Variants in TPI1 observed in about 807,000 individuals in gnomAD.
TPI1 encodes triosephosphate isomerase 1.
Under a neutral mutation model 31.0 loss-of-function variants are expected in TPI1, and 11 were observed. That is an observed-to-expected ratio of 0.36 (90% CI 0.22 to 0.59). The LOEUF is 0.59. TPI1 is among the 20% of genes least tolerant of loss of function. The pLI is 0.79. For missense variants in TPI1, 245 were observed against 319.7 expected (o/e 0.77, Z 1.78); for synonymous variants, 121 against 122.8 (o/e 0.99, Z 0.10).
chr12:6,869,906 G>T, intron 5 of TPI1, 133 bp downstream of exon 5: 1 of 1,388,856 alleles, frequency 7.2e-7, no homozygotes, highest in Non-Finnish European at 1.0e-6. Context: ...CTTGTCCAAG[G>T]GCATCCAGTC....
chr12:6,868,706 G>A, intron 1 of TPI1, 158 bp from the exon 2 acceptor site: 1 of 1,412,886 alleles, frequency 7.1e-7, no homozygotes, highest in Non-Finnish European at 9.6e-7. Flanking sequence ...GCCTGGGCTG[G>A]AAAATGGACA....
upstream of TPI1, chr12:6,867,443 G>A: frequency 6.7e-7 from 1 of 1,492,950 alleles, no homozygotes; most frequent in Non-Finnish European, 8.9e-7. Flanking sequence ...GGCTCCGGGG[G>A]ACTGGGCGGG....
At chr12:6,867,702 G>A (rs781886049) in intron 1 of TPI1, 21 bp downstream of exon 1, 2 of 1,589,422 alleles carry the variant, frequency 1.3e-6, no homozygotes, top group Non-Finnish European at 8.6e-7. Flanking sequence ...GCCGAGGAGG[G>A]GTCTGGCCGG....
At chr12:6,867,439 G>A (rs1944480245), upstream of TPI1, 3 of 1,485,878 alleles carry the variant, frequency 2.0e-6, no homozygotes, top group African/African-American at 1.4e-5. Flanking sequence ...GCAGGGCTCC[G>A]GGGGACTGGG....
chr12:6,868,117 G>T lies in TPI1; in HGVS notation c.115+436G>T, dbSNP rs782042516. 3.9e-6 allele frequency: 5 copies of T among 1,271,686 alleles called. No homozygotes were observed. The Admixed American group carries it at 1.2e-4, about 30-fold the overall frequency. 78.8% of individuals were successfully genotyped at this position (1,271,686 alleles called of 1,614,324 possible). A position where few individuals can be genotyped will look rare whatever the true frequency, so the allele number is the denominator to read the frequency against. On this transcript the variant is annotated intron_variant, in intron 1 of 6. Transcript: ENST00000396705. ...TAGCCCCAGACTCCTCCCCTTCCTC[G>T]CCGGCGTCCGCGTCCCCGCGCCGAG...
chr12:6,868,642 G>A (rs1944512730), intron 1 of TPI1: 1 of 1,339,130 alleles, frequency 7.5e-7, no homozygotes, highest in African/African-American at 1.5e-5. Flanking sequence ...GCAGGGTGAG[G>A]GCCGTGGCCT....
rs1434792263 is a variant in TPI1, at chr12:6,869,941, C to G, written c.544-108C>G. 4.2e-6 allele frequency: 6 copies of G among 1,433,752 alleles called. No homozygotes were observed. The African/African-American group carries it at 8.5e-5, about 20-fold the overall frequency. 88.8% of individuals were successfully genotyped at this position (1,433,752 alleles called of 1,614,324 possible). A position where few individuals can be genotyped will look rare whatever the true frequency, so the allele number is the denominator to read the frequency against. The stretch of plus-strand genomic sequence containing the variant: ...CCAGGGCCTGGCTTGGATCAGAGCC[C>G]TGGTACTCTGACTCAGTCAGAAACC... On this transcript the variant is annotated intron_variant, in intron 5 of 6. Coordinates refer to ENST00000396705, the MANE Select transcript of TPI1 (RefSeq NM_000365.6).
intron 1 of TPI1, chr12:6,868,526 T>G (rs1035141560): frequency 1.1e-5 from 14 of 1,279,662 alleles, no homozygotes; most frequent in African/African-American, 1.5e-5. Context: ...ATGGGCTATT[T>G]TAGAAGGGAA....
chr12:6,867,580 G>A lies in TPI1; in HGVS notation c.14G>A (p.Arg5Lys). 1.2e-6 allele frequency: 2 copies of A among 1,612,888 alleles called. No homozygotes were observed. Among genetic ancestry groups the A allele is most frequent in the Non-Finnish European group, 1.7e-6 (2 of 1,179,714 alleles). ...GGCTCCAGCGCCATGGCGCCCTCCAGGAAGTTCTTCGTTGGGGGAAACTGG... is the reference window on the plus strand; with the variant it reads ...GGCTCCAGCGCCATGGCGCCCTCCAAGAAGTTCTTCGTTGGGGGAAACTGG... MAPSRKFFVGGNWKM... is the reference protein window; with the variant it reads MAPSKKFFVGGNWKM... The change falls in exon 1 of 7, where the codon AGG becomes AAG. Residue 5 changes from arginine to lysine, a missense_variant. Around this residue, in one of 3 missense-constraint regions of TPI1, gnomAD observed 95 missense variants for 96.4 expected, o/e 0.99. Coordinates refer to ENST00000396705, the MANE Select transcript of TPI1 (RefSeq NM_000365.6).
intron 1 of TPI1, chr12:6,868,380 C>G: frequency 7.8e-7 from 1 of 1,288,164 alleles, no homozygotes; most frequent in Non-Finnish European, 1.0e-6. Context: ...CTCCCTCCAC[C>G]GAAATCGGAG....
chr12:6,870,640 G>A lies in TPI1; in HGVS notation c.*257G>A. 1 of 654,380 alleles carries A rather than the reference G, an allele frequency of 1.5e-6. No homozygotes were observed. Among genetic ancestry groups the A allele is most frequent in the East Asian group, 3.2e-5 (1 of 30,780 alleles). The allele number at this position is 654,380 out of a possible 1,614,324, so 40.5% of individuals were successfully genotyped here. On this transcript the variant is annotated 3_prime_UTR_variant, in exon 7 of 7. Coordinates refer to ENST00000396705, the MANE Select transcript of TPI1 (RefSeq NM_000365.6). ...GCTTCTCCTTGGCTGAGAGATGGAAGGCGTGGTGGGATTTGCTCCTGGGTT... is the reference window on the plus strand; with the variant it reads ...GCTTCTCCTTGGCTGAGAGATGGAAAGCGTGGTGGGATTTGCTCCTGGGTT...
At chr12:6,870,199 A>G (rs892392102) in intron 6 of TPI1, 63 bp downstream of exon 6, 17 of 1,601,000 alleles carry the variant, frequency 1.1e-5, no homozygotes, top group Non-Finnish European at 1.3e-5. Flanking sequence ...GCCCTCGGAC[A>G]TGGAGGTGGG....
intron 6 of TPI1, 55 bp from the exon 7 acceptor site, chr12:6,870,210 G>A: frequency 1.9e-6 from 3 of 1,602,534 alleles, no homozygotes; most frequent in Non-Finnish European, 2.6e-6. Context: ...TGGAGGTGGG[G>A]ATGGGGCAGA....
intron 1 of TPI1, chr12:6,868,117 G>A (rs782042516): frequency 7.9e-7 from 1 of 1,271,802 alleles, no homozygotes; most frequent in South Asian, 1.3e-5. Flanking sequence ...CCCCTTCCTC[G>A]CCGGCGTCCG....
intron 1 of TPI1, chr12:6,868,388 G>C: frequency 2.3e-6 from 3 of 1,288,254 alleles, no homozygotes; most frequent in Non-Finnish European, 3.0e-6. Flanking sequence ...ACCGAAATCG[G>C]AGAGCCGCGG....
chr12:6,870,002 C>T (rs782509336), intron 5 of TPI1, 47 bp from the exon 6 acceptor site: 1 of 1,603,394 alleles, frequency 6.2e-7, no homozygotes, highest in South Asian at 1.1e-5. Context: ...GATTTTTCCT[C>T]TTAGAGAGGC....
rs368497510 is a variant in TPI1, at chr12:6,869,652, T to C, written c.458-36T>C. The C allele has an allele frequency of 1.4e-5, 23 of 1,611,386 alleles. No homozygotes were observed. In the South Asian group the frequency reaches 2.4e-4, roughly 17 times the overall value. The stretch of plus-strand genomic sequence containing the variant: ...AACCTGGCTGGAGAGCTCTTTCTTG[T>C]TCACCCTTCCCTCCATCTGTATCTC... On this transcript the variant is annotated intron_variant, in intron 4 of 6. Transcript: ENST00000396705.
Position 6,868,235 on chromosome 12 carries a change from A to G in TPI1, c.115+554A>G, listed in dbSNP as rs1944503620. On this transcript the variant is annotated intron_variant, in intron 1 of 6. Coordinates refer to ENST00000396705, the MANE Select transcript of TPI1 (RefSeq NM_000365.6). ...CACGGAAGGGACCGAGCCCGTGCCA[A>G]ACAGGCTGAGCGATTTGGGAGTGAG... is the stretch of plus-strand genomic sequence containing the variant. The G allele has an allele frequency of 2.3e-6, 3 of 1,287,754 alleles. No individual in the cohort carries two copies. The South Asian group carries it at 3.7e-5, about 16-fold the overall frequency. 79.8% of individuals were successfully genotyped at this position (1,287,754 alleles called of 1,614,324 possible). A position where few individuals can be genotyped will look rare whatever the true frequency, so the allele number is the denominator to read the frequency against.
chr12:6,870,083 T>C lies in TPI1; in HGVS notation c.578T>C (p.Leu193Pro). 6.2e-7 allele frequency: 1 copy of C among 1,614,224 alleles called. No homozygotes were observed. The highest frequency in any genetic ancestry group is 8.5e-7 in the Non-Finnish European group (1 of 1,180,036). Residue 193 changes from leucine to proline, a missense_variant, in exon 6 of 7, where the codon CTG becomes CCG. By Grantham distance (98) the Leu-to-Pro change is moderately conservative. Around this residue, in one of 3 missense-constraint regions of TPI1, gnomAD observed 127 missense variants for 163.7 expected, o/e 0.78. Coordinates refer to ENST00000396705, the MANE Select transcript of TPI1 (RefSeq NM_000365.6). ...QEVHEKLRGW[L>P]KSNVSDAVAQ... is the part of the protein sequence containing the mutation. ...GTACACGAGAAGCTCCGAGGATGGC[T>C]GAAGTCCAACGTCTCTGATGCGGTG...
Sources: gnomAD v4.1 joint callset for allele counts on GRCh38, gnomAD v4.1.1 for gene constraint, gnomAD v4.1.1 regional missense constraint, MANE v1.5 for transcripts, NCBI Gene and HGNC (gene_info 2026-07-23, HGNC 2026-07-21) for gene names.